Variants in CPNE4 observed in about 807,000 individuals in gnomAD.
CPNE4 encodes the protein copine-4.
CPNE4 carries 25 observed loss-of-function variants against 67.9 expected under a neutral mutation model. That is an observed-to-expected ratio of 0.37 (90% CI 0.27 to 0.51). The LOEUF (loss-of-function observed/expected upper bound fraction) is 0.51. Ranked by LOEUF, CPNE4 falls within the 20% of genes least tolerant of loss-of-function variation. The probability of loss-of-function intolerance (pLI) is 0.93; values close to 1 mark genes in which losing one functional copy is unlikely to be tolerated. For synonymous variants in CPNE4, 242 were observed against 244.9 expected, an observed-to-expected ratio of 0.99 and a Z score of 0.11; for missense variants, 464 against 690.8, an observed-to-expected ratio of 0.67 and a Z score of 3.68.
rs552935426 is a variant in CPNE4 at position 131,996,652 on chromosome 3, T to A, written c.-2+37915A>T. 3.9e-5 allele frequency among the ~76,000 whole-genome samples: 6 copies of A among 151,970 alleles called. No homozygotes were observed. In the East Asian group the frequency reaches 1.2e-3, roughly 29 times the overall value. ...ATCTAGTTGCAAAGTCCAGATGTGA[T>A]TGGATCAGATTCTCCTGACAGGTTA... On this transcript the variant is annotated intron_variant, in intron 1 of 15. Coordinates refer to ENST00000429747, the MANE Select transcript of CPNE4 (RefSeq NM_130808.3).
intron 2 of CPNE4, among the ~76,000 whole-genome samples, chr3:131,851,642 T>G (rs186266706): frequency 1.3e-5 from 2 of 152,178 alleles, no homozygotes; most frequent in African/African-American, 4.8e-5. Flanking sequence ...TGAACAATTT[T>G]AATAAGCCTC....
intron 2 of CPNE4, among the ~76,000 whole-genome samples, chr3:131,785,260 C>G (rs1434705725): frequency 6.6e-6 from 1 of 152,146 alleles, no homozygotes; most frequent in African/African-American, 2.4e-5. Flanking sequence ...CTTGGTCACA[C>G]TCTTCAGCTA....
At chr3:131,750,797 A>G (rs1168478710) in intron 2 of CPNE4, among the ~76,000 whole-genome samples, 1 of 151,948 alleles carries the variant, frequency 6.6e-6, no homozygotes, top group Non-Finnish European at 1.5e-5. Flanking sequence ...CTTTCTATTT[A>G]AAGAACTTTG....
chr3:131,742,717 G>A (rs1455596748), intron 2 of CPNE4, among the ~76,000 whole-genome samples: 88 of 151,962 alleles, frequency 5.8e-4, no homozygotes, highest in Non-Finnish European at 1.5e-5. Flanking sequence ...ATTAAAAAGT[G>A]ACCAAAAATC....
chr3:131,768,859 C>G (rs1281045840), intron 2 of CPNE4, among the ~76,000 whole-genome samples: 1 of 152,118 alleles, frequency 6.6e-6, no homozygotes, highest in Non-Finnish European at 1.5e-5. Context: ...CTCCAACTCT[C>G]TTAAAGTGAT....
chr3:132,037,423 T>A (rs1396695543), upstream of CPNE4: 4 of 677,654 alleles, frequency 5.9e-6, no homozygotes, highest in Admixed American at 9.2e-5. Context: ...AATCAACAGC[T>A]CATCTGTACA....
intron 6 of CPNE4, among the ~76,000 whole-genome samples, chr3:131,676,845 G>A (rs543422879): frequency 5.6e-4 from 85 of 152,142 alleles, no homozygotes; most frequent in Non-Finnish European, 1.0e-3. Context: ...GTGAACATAC[G>A]TGTGCATGTA....
At chr3:131,694,515 A>C (rs1425090771) in intron 5 of CPNE4, among the ~76,000 whole-genome samples, 1 of 152,162 alleles carries the variant, frequency 6.6e-6, no homozygotes, top group Non-Finnish European at 1.5e-5. Context: ...GGAGTCCTAG[A>C]ATCTGGGCTG....
At chr3:131,545,238 A>C (rs1208094523) in intron 14 of CPNE4, among the ~76,000 whole-genome samples, 1 of 152,196 alleles carries the variant, frequency 6.6e-6, no homozygotes, top group African/African-American at 2.4e-5. Context: ...ATATTATTCT[A>C]CTTTTGATTT....
At chr3:132,003,886 C>T (rs963751771) in intron 1 of CPNE4, among the ~76,000 whole-genome samples, 6 of 151,968 alleles carry the variant, frequency 3.9e-5, no homozygotes, top group Admixed American at 1.3e-4. Flanking sequence ...TGAAACTTGC[C>T]GGCATCAGCA....
chr3:131,732,986 G>A (rs1304955760), intron 2 of CPNE4, among the ~76,000 whole-genome samples: 1 of 152,168 alleles, frequency 6.6e-6, no homozygotes, highest in Non-Finnish European at 1.5e-5. Context: ...CATTTACTGA[G>A]CAATGGGTAT....
intron 14 of CPNE4, among the ~76,000 whole-genome samples, chr3:131,545,863 A>G (rs547903952): frequency 4.5e-4 from 68 of 152,322 alleles, no homozygotes; most frequent in Non-Finnish European, 8.4e-4. Context: ...GGAGATCAAG[A>G]CCATCTTGGC....
chr3:131,884,378 G>A (rs6439322), intron 2 of CPNE4, among the ~76,000 whole-genome samples: 97,543 of 151,900 alleles, frequency 0.64, 31,561 homozygotes, highest in Admixed American at 0.73. Flanking sequence ...AGTGGACAAG[G>A]AAATGACCAA....
intron 7 of CPNE4, among the ~76,000 whole-genome samples, chr3:131,615,977 G>T (rs375110874): frequency 1.4e-5 from 2 of 144,126 alleles, no homozygotes; most frequent in Admixed American, 1.4e-4. Context: ...CTCCACCCCC[G>T]CCACAGCCCC....
In CPNE4 at chr3:131,903,264, C is replaced by G. The variant is rs560696895; in HGVS notation, c.180+2000G>C. Among the ~76,000 whole-genome samples the G allele has an allele frequency of 2.0e-5, 3 of 152,190 alleles. No homozygotes were observed. The East Asian group carries it at 5.8e-4, about 29-fold the overall frequency. ...ATTTGTGCTCTGATCAGCATGGCTT[C>G]AAATCCCTTATTCTGAGTACTTTAT... On this transcript the variant is annotated intron_variant, in intron 2 of 15. Transcript: ENST00000429747.
Position 131,766,282 on chromosome 3 carries a change from A to C in CPNE4, c.181-42657T>G, listed in dbSNP as rs2083011263. On this transcript the variant is annotated intron_variant, in intron 2 of 15. Transcript: ENST00000429747. Reference sequence around the variant, plus strand: ...AGTTTGTAGGGTTGTTTTGAAGATTAAGCAAAGTGTTTTACAAGTACTCAA... The same window carrying C: ...AGTTTGTAGGGTTGTTTTGAAGATTCAGCAAAGTGTTTTACAAGTACTCAA... Among the ~76,000 whole-genome samples the C allele has an allele frequency of 1.5e-4, 3 of 20,654 alleles. No homozygotes were observed. In the South Asian group the frequency reaches 6.5e-3, roughly 45 times the overall value. The allele number at this position is 20,654 out of a possible 152,430, so 13.5% of individuals were successfully genotyped here. A position where few individuals can be genotyped will look rare whatever the true frequency, so the allele number is the denominator to read the frequency against.
intron 1 of CPNE4, among the ~76,000 whole-genome samples, chr3:132,025,671 G>T (rs887918296): frequency 6.6e-6 from 1 of 152,116 alleles, no homozygotes; most frequent in African/African-American, 2.4e-5. Context: ...GCAAATAAAG[G>T]TTGCAATTTG....
chr3:131,868,438 T>C (rs188334905), intron 2 of CPNE4, among the ~76,000 whole-genome samples: 522 of 152,320 alleles, frequency 3.4e-3, no homozygotes, highest in Middle Eastern at 6.8e-3. Flanking sequence ...ACGTGGAGAA[T>C]GGCGAAGCAA....
intron 2 of CPNE4, among the ~76,000 whole-genome samples, chr3:131,747,543 A>T (rs1019840682): frequency 4.4e-5 from 3 of 68,900 alleles, no homozygotes; most frequent in East Asian, 3.5e-4. Context: ...GTTTCCACTT[A>T]AAAAAAAAAT....
Sources: allele counts gnomAD v4.1 joint callset (sites outside exome capture counted in the v4.1 genomes callset), GRCh38; gene constraint gnomAD v4.1.1; transcripts MANE v1.5; gene names NCBI Gene and HGNC (gene_info 2026-07-23, HGNC 2026-07-21).